PDE10A: variants seen among roughly 807,000 people sequenced by gnomAD.
The protein encoded by PDE10A is phosphodiesterase 10A, also known as cAMP and cAMP-inhibited cGMP 3',5'-cyclic phosphodiesterase 10A.
PDE10A carries 39 observed loss-of-function variants against 97.7 expected under a neutral mutation model. That is an observed-to-expected ratio of 0.40 (90% CI 0.31 to 0.52). PDE10A has a LOEUF of 0.52. PDE10A is among the 20% of genes least tolerant of loss of function. The pLI is 0.56. For missense variants in PDE10A, 731 were observed against 1,047.8 expected, an observed-to-expected ratio of 0.70 and a Z score of 4.17; for synonymous variants, 371 against 376.8, an observed-to-expected ratio of 0.98 and a Z score of 0.18.
chr6:165,333,329 C>T (rs1781450334), intron 21 of PDE10A, among the ~76,000 whole-genome samples: 1 of 152,146 alleles, frequency 6.6e-6, no homozygotes, highest in African/African-American at 2.4e-5. Flanking sequence ...GCCAGAGGGT[C>T]AGGGGCACCT....
intron 4 of PDE10A, among the ~76,000 whole-genome samples, chr6:165,449,528 T>C (rs1185205064): frequency 6.6e-6 from 1 of 152,156 alleles, no homozygotes; most frequent in Non-Finnish European, 1.5e-5. Context: ...TTTTTACCTG[T>C]GTGACTTTGG....
chr6:165,848,560 C>G (rs79987595), intron 1 of PDE10A, among the ~76,000 whole-genome samples: 3 of 152,052 alleles, frequency 2.0e-5, no homozygotes, highest in South Asian at 2.1e-4. Context: ...ACACACCATG[C>G]GGGAAAAATC....
intron 17 of PDE10A, among the ~76,000 whole-genome samples, chr6:165,385,189 T>C (rs1429402275): frequency 1.3e-5 from 2 of 151,880 alleles, no homozygotes; most frequent in East Asian, 3.9e-4. Flanking sequence ...GGTAACAGGA[T>C]GGAGGGATGG....
At chr6:165,616,265 G>A (rs1242534972) in intron 1 of PDE10A, among the ~76,000 whole-genome samples, 2 of 152,052 alleles carry the variant, frequency 1.3e-5, no homozygotes, top group African/African-American at 2.4e-5. Flanking sequence ...AAACGATTCT[G>A]AAAATAAGAG....
chr6:165,519,142 A>G (rs150287187), intron 2 of PDE10A, among the ~76,000 whole-genome samples: 67 of 152,324 alleles, frequency 4.4e-4, no homozygotes, highest in African/African-American at 1.6e-3. Flanking sequence ...AGAATAAGCT[A>G]GAATAGGGAA....
intron 1 of PDE10A, among the ~76,000 whole-genome samples, chr6:165,702,115 C>A (rs893231437): frequency 6.6e-6 from 1 of 152,198 alleles, no homozygotes; most frequent in Admixed American, 6.5e-5. Context: ...ATGTTTGAAC[C>A]TCCGAAGGGT....
chr6:165,837,639 G>T lies in PDE10A; in HGVS notation c.-615+149890C>A, dbSNP rs186694194. Among the ~76,000 whole-genome samples the T allele has an allele frequency of 2.7e-5, 4 of 146,142 alleles. No homozygotes were observed. The East Asian group carries it at 7.9e-4, about 29-fold the overall frequency. On this transcript the variant is annotated intron_variant, in intron 1 of 19. Transcript: ENST00000366882. ...AGTCCTAAGTTCCTCCAAGTAATCT[G>T]CTGATTTATATCTCTCCTGGTTTTT...
At chr6:165,407,123 C>CT (rs1787244774) in intron 13 of PDE10A, among the ~76,000 whole-genome samples, 1 of 152,156 alleles carries the variant, frequency 6.6e-6, no homozygotes, top group Non-Finnish European at 1.5e-5. Context: ...ATCTATTCAT[C>CT]TATATATGTA....
intron 1 of PDE10A, among the ~76,000 whole-genome samples, chr6:165,550,441 G>C (rs2128328663): frequency 6.6e-6 from 1 of 152,198 alleles, no homozygotes. Context: ...ATTTGGGGGA[G>C]AATACCACCA....
intron 1 of PDE10A, among the ~76,000 whole-genome samples, chr6:165,856,634 C>A (rs556991442): frequency 1.3e-5 from 2 of 152,326 alleles, no homozygotes; most frequent in African/African-American, 4.8e-5. Flanking sequence ...AACATTTTTA[C>A]TCTATTATAC....
chr6:165,755,448 T>G (rs529440701), intron 1 of PDE10A, among the ~76,000 whole-genome samples: 22 of 152,286 alleles, frequency 1.4e-4, no homozygotes, highest in African/African-American at 5.3e-4. Context: ...TTGGGCGAAT[T>G]TCTCCCTGTC....
chr6:165,937,984 C>A (rs1206395972), intron 1 of PDE10A, among the ~76,000 whole-genome samples: 1 of 152,202 alleles, frequency 6.6e-6, no homozygotes, highest in African/African-American at 2.4e-5. Flanking sequence ...TCAGCACAGA[C>A]CCCCACATCA....
At chr6:165,611,452 C>T (rs55859634) in intron 1 of PDE10A, among the ~76,000 whole-genome samples, 1,767 of 152,316 alleles carry the variant, frequency 0.012, 33 homozygotes, top group African/African-American at 0.04. Flanking sequence ...TCCCAGACCT[C>T]AATGAGTGGA....
intron 1 of PDE10A, among the ~76,000 whole-genome samples, chr6:165,829,139 T>A (rs952900876): frequency 6.6e-6 from 1 of 152,164 alleles, no homozygotes; most frequent in African/African-American, 2.4e-5. Context: ...GCTGGGGTGC[T>A]CCCAGTGTCC....
chr6:165,647,577 AAC>A (rs1789464443), intron 1 of PDE10A, among the ~76,000 whole-genome samples: 1 of 152,010 alleles, frequency 6.6e-6, no homozygotes, highest in South Asian at 2.1e-4. Flanking sequence ...TTTTATTTGC[AAC>A]ACATTTTCCT....
chr6:165,611,405 C>G (rs529241526), intron 1 of PDE10A, among the ~76,000 whole-genome samples: 1 of 152,298 alleles, frequency 6.6e-6, no homozygotes, highest in South Asian at 2.1e-4. Context: ...CCTGCCAGTC[C>G]TGAGGAAGGG....
chr6:165,707,699 G>A (rs923895234), intron 1 of PDE10A, among the ~76,000 whole-genome samples: 1 of 151,954 alleles, frequency 6.6e-6, no homozygotes. Flanking sequence ...GTGTGTGAGT[G>A]TGTGAGACTG....
At chr6:165,560,955 C>T (rs1335909236) in intron 1 of PDE10A, among the ~76,000 whole-genome samples, 1 of 152,124 alleles carries the variant, frequency 6.6e-6, no homozygotes, top group Non-Finnish European at 1.5e-5. Flanking sequence ...CACAGTGGCT[C>T]ATACCTGTAA....
intron 15 of PDE10A, among the ~76,000 whole-genome samples, chr6:165,393,312 A>G (rs1041758083): frequency 4.6e-5 from 7 of 152,058 alleles, no homozygotes; most frequent in Non-Finnish European, 8.8e-5. Context: ...TCAAATTATT[A>G]AGTCACAAAT....
Sources: gnomAD v4.1 joint callset for allele counts (sites outside exome capture counted in the v4.1 genomes callset) on GRCh38, gnomAD v4.1.1 for gene constraint, MANE v1.5 for transcripts, NCBI Gene and HGNC (gene_info 2026-07-23, HGNC 2026-07-21) for gene names.